GLDC: variants seen among roughly 807,000 people sequenced by gnomAD.
GLDC encodes the protein glycine decarboxylase.
A neutral mutation model predicts 121.3 loss-of-function variants in GLDC; 104 were observed. The ratio of observed to expected loss-of-function variants is 0.86; its 90% CI spans 0.73 to 1.01. The LOEUF is 1.01. Ranked by LOEUF, GLDC falls within the 50% of genes least tolerant of loss-of-function variation. The pLI is 0.00. For synonymous variants in GLDC, 546 were observed against 480.6 expected (o/e 1.14, Z -1.78); for missense variants, 1,429 against 1,306.6 (o/e 1.09, Z -1.44).
rs1819733521 is a variant in GLDC, at chr9:6,645,654, T to C, written c.-155A>G. The C allele has an allele frequency of 1.2e-5, 5 of 428,108 alleles. No homozygotes were observed. The highest frequency in any genetic ancestry group is 1.0e-4 in the South Asian group (1 of 9,544). The allele number at this position is 428,108 out of a possible 1,614,324, so 26.5% of individuals were successfully genotyped here. On this transcript the variant is annotated 5_prime_UTR_variant, in exon 1 of 25. Transcript: ENST00000321612. ...CAGATGGATGGACGCTCGCGGGCAA[T>C]GAATGGGCGCTGCGCTCAACCAAGA...
intron 15 of GLDC, among the ~76,000 whole-genome samples, chr9:6,575,135 G>A (rs1273126672): frequency 2.0e-5 from 3 of 151,216 alleles, no homozygotes; most frequent in Non-Finnish European, 4.4e-5. Flanking sequence ...GAATTCGGGA[G>A]TCAGAGATTG....
intron 22 of GLDC, among the ~76,000 whole-genome samples, chr9:6,537,942 A>G (rs976399328): frequency 1.3e-5 from 2 of 152,208 alleles, no homozygotes; most frequent in African/African-American, 2.4e-5. Flanking sequence ...CACTGCAGTC[A>G]TTAGTACACT....
At chr9:6,644,509 C>A (rs769160459) in intron 2 of GLDC, 105 bp downstream of exon 2, 2 of 786,548 alleles carry the variant, frequency 2.5e-6, no homozygotes, top group Admixed American at 3.8e-5. Context: ...TCCACACATT[C>A]CCAGTCCTGA....
At chr9:6,590,563 C>G (rs1186515048) in intron 11 of GLDC, among the ~76,000 whole-genome samples, 1 of 152,184 alleles carries the variant, frequency 6.6e-6, no homozygotes, top group Non-Finnish European at 1.5e-5. Context: ...GATGCCTGCT[C>G]CTCTTCCCCT....
intron 2 of GLDC, among the ~76,000 whole-genome samples, chr9:6,623,716 C>T (rs1213476472): frequency 3.3e-5 from 5 of 152,126 alleles, no homozygotes; most frequent in Non-Finnish European, 5.9e-5. Flanking sequence ...AATCTAACTA[C>T]CTTATGGAAG....
intron 8 of GLDC, among the ~76,000 whole-genome samples, chr9:6,600,128 A>T (rs540571363): frequency 1.3e-5 from 2 of 152,288 alleles, no homozygotes; most frequent in Non-Finnish European, 2.9e-5. Context: ...TCACTATGGG[A>T]GGCCAAGATA....
At chr9:6,554,570 C>G (rs1314796103) in intron 19 of GLDC, 99 bp downstream of exon 19, 52 of 869,114 alleles carry the variant, frequency 6.0e-5, no homozygotes, top group Non-Finnish European at 3.8e-6. Flanking sequence ...TGAGGGTATC[C>G]TCAACACATG....
intron 15 of GLDC, chr9:6,565,898 T>A (rs1817845973): frequency 7.6e-6 from 2 of 263,880 alleles, no homozygotes; most frequent in South Asian, 1.0e-4. Context: ...CATCCTATCA[T>A]CAGTTCAAAT....
chr9:6,586,895 G>A (rs919392571), intron 15 of GLDC, among the ~76,000 whole-genome samples: 1 of 152,118 alleles, frequency 6.6e-6, no homozygotes, highest in African/African-American at 2.4e-5. Context: ...TACAAGGAAA[G>A]CCCCATATGG....
At chr9:6,569,844 T>C (rs769998500) in intron 15 of GLDC, among the ~76,000 whole-genome samples, 29 of 152,034 alleles carry the variant, frequency 1.9e-4, no homozygotes, top group Non-Finnish European at 2.8e-4. Context: ...GGTGTGGTGG[T>C]GTGCATCTGT....
chr9:6,553,213 G>T (rs965189295), intron 20 of GLDC, among the ~76,000 whole-genome samples, 155 bp downstream of exon 20: 1 of 152,120 alleles, frequency 6.6e-6, no homozygotes, highest in African/African-American at 2.4e-5. Flanking sequence ...CTTCAGGAAG[G>T]TTTCTTCCAC....
At chr9:6,591,238 C>G (rs1441393219) in intron 11 of GLDC, among the ~76,000 whole-genome samples, 3 of 152,216 alleles carry the variant, frequency 2.0e-5, no homozygotes, top group African/African-American at 7.2e-5. Context: ...TCTCCAGTGT[C>G]TAGAACACTC....
At chr9:6,593,328 T>C (rs1326577119) in intron 9 of GLDC, among the ~76,000 whole-genome samples, 1 of 151,428 alleles carries the variant, frequency 6.6e-6, no homozygotes, top group Admixed American at 6.6e-5. Flanking sequence ...AGTCTCACTC[T>C]GTTGTCCAGG....
chr9:6,578,648 T>C (rs1320126756), intron 15 of GLDC, among the ~76,000 whole-genome samples: 2 of 152,060 alleles, frequency 1.3e-5, no homozygotes, highest in Non-Finnish European at 2.9e-5. Flanking sequence ...CAAGTGATCC[T>C]CCCACCTCAG....
At chr9:6,544,340 G>A (rs1435626293) in intron 21 of GLDC, among the ~76,000 whole-genome samples, 2 of 152,124 alleles carry the variant, frequency 1.3e-5, no homozygotes, top group Non-Finnish European at 2.9e-5. Flanking sequence ...TACAGCAAGG[G>A]CCACCTGGAA....
chr9:6,576,587 C>T (rs1818070051), intron 15 of GLDC, among the ~76,000 whole-genome samples: 1 of 152,164 alleles, frequency 6.6e-6, no homozygotes, highest in African/African-American at 2.4e-5. Flanking sequence ...CTGCCTCAGC[C>T]TCCCGAGTAG....
chr9:6,617,666 T>C (rs1004342567), intron 3 of GLDC, among the ~76,000 whole-genome samples: 7 of 152,226 alleles, frequency 4.6e-5, no homozygotes, highest in African/African-American at 1.7e-4. Context: ...CTAAGAGTTA[T>C]GTACAGGGAC....
At chr9:6,605,579 T>C (rs1243842109) in intron 5 of GLDC, among the ~76,000 whole-genome samples, 2 of 152,318 alleles carry the variant, frequency 1.3e-5, no homozygotes, top group East Asian at 1.9e-4. Context: ...AATGAGCCAA[T>C]ATTTGTTAAC....
chr9:6,602,674 T>C (rs572041526), intron 7 of GLDC, among the ~76,000 whole-genome samples: 125 of 151,862 alleles, frequency 8.2e-4, no homozygotes, highest in African/African-American at 2.8e-3. Context: ...TTTTAGACTG[T>C]ACTCTGAGAC....
Sources: allele counts gnomAD v4.1 joint callset (sites outside exome capture counted in the v4.1 genomes callset), GRCh38; gene constraint gnomAD v4.1.1; transcripts MANE v1.5; gene names NCBI Gene and HGNC (gene_info 2026-07-23, HGNC 2026-07-21).